The following KDM4C variants were observed in gnomAD, a reference collection of about 807,000 sequenced individuals.
The protein encoded by KDM4C is lysine demethylase 4C, also known as lysine-specific demethylase 4C.
KDM4C carries 81 observed loss-of-function variants against 129.3 expected under a neutral mutation model. That is an observed-to-expected ratio of 0.63 (90% CI 0.52 to 0.75). The LOEUF (loss-of-function observed/expected upper bound fraction) is 0.75. KDM4C is among the 30% of genes least tolerant of loss of function. The pLI, the probability that KDM4C is intolerant of heterozygous loss-of-function variation, is 0.00. For missense variants in KDM4C, 1,457 were observed against 1,304.0 expected (o/e 1.12, Z -1.81); for synonymous variants, 573 against 456.1 (o/e 1.26, Z -3.26).
At chr9:6,853,861 T>C (rs1839288721) in intron 5 of KDM4C, among the ~76,000 whole-genome samples, 1 of 152,176 alleles carries the variant, frequency 6.6e-6, no homozygotes, top group Admixed American at 6.6e-5. Context: ...ATCACTACAC[T>C]CCTTTCATCA....
At chr9:6,868,949 A>C (rs915009037) in intron 5 of KDM4C, among the ~76,000 whole-genome samples, 16 of 152,226 alleles carry the variant, frequency 1.1e-4, no homozygotes, top group African/African-American at 3.4e-4. Flanking sequence ...TAGACTAGGT[A>C]ATATAAAATA....
upstream of KDM4C, among the ~76,000 whole-genome samples, chr9:6,754,272 G>C (rs1818170389): frequency 6.6e-6 from 1 of 151,770 alleles, no homozygotes; most frequent in Admixed American, 6.6e-5. Context: ...GAGTGCAGTG[G>C]TGCTATCTTA....
At chr9:6,821,350 G>A (rs12005332) in intron 4 of KDM4C, among the ~76,000 whole-genome samples, 4,291 of 152,220 alleles carry the variant, frequency 0.028, 193 homozygotes, top group African/African-American at 0.098. Context: ...GTGTAAAAGC[G>A]TTCCTATTTT....
intron 15 of KDM4C, among the ~76,000 whole-genome samples, chr9:7,028,922 G>GGC (rs139541591): frequency 0.087 from 13,248 of 152,100 alleles, 1,010 homozygotes; most frequent in African/African-American, 0.2. Flanking sequence ...ATAAGGGAGG[G>GGC]GCGGCGTTGG....
chr9:6,754,880 TAAA>T (rs58382779), upstream of KDM4C, among the ~76,000 whole-genome samples: 4 of 83,366 alleles, frequency 4.8e-5, no homozygotes, highest in Admixed American at 1.3e-4. Context: ...TGTCTCAAAG[TAAA>T]AAAAAAAAAA....
chr9:6,988,931 A>G (rs1317703711), intron 11 of KDM4C, among the ~76,000 whole-genome samples: 3 of 152,000 alleles, frequency 2.0e-5, no homozygotes, highest in Non-Finnish European at 4.4e-5. Context: ...CCTTCGTTAC[A>G]TATTTACCGA....
intron 15 of KDM4C, among the ~76,000 whole-genome samples, chr9:7,034,480 T>C (rs1053395559): frequency 6.6e-6 from 1 of 152,248 alleles, no homozygotes; most frequent in African/African-American, 2.4e-5. Flanking sequence ...TCCTGGCTTA[T>C]TTCGCTTAAT....
At chr9:7,098,631 G>T (rs956556786) in intron 17 of KDM4C, among the ~76,000 whole-genome samples, 1 of 152,132 alleles carries the variant, frequency 6.6e-6, no homozygotes, top group African/African-American at 2.4e-5. Flanking sequence ...GTGCACTGGG[G>T]ACTTTGCTTT....
At chr9:6,728,359 C>G (rs761952689) in intron 1 of KDM4C, among the ~76,000 whole-genome samples, 4 of 151,618 alleles carry the variant, frequency 2.6e-5, no homozygotes, top group African/African-American at 4.9e-5. Flanking sequence ...CATGGTGAAA[C>G]TCTGTCTTTA....
intron 1 of KDM4C, among the ~76,000 whole-genome samples, chr9:6,722,900 G>A (rs1206009761): frequency 6.6e-6 from 1 of 152,000 alleles, no homozygotes; most frequent in Admixed American, 6.6e-5. Context: ...GGAGGATTGC[G>A]TGAGCCCAGG....
At chr9:6,730,838 A>C (rs1372232148) in intron 1 of KDM4C, among the ~76,000 whole-genome samples, 2 of 152,116 alleles carry the variant, frequency 1.3e-5, no homozygotes, top group Non-Finnish European at 2.9e-5. Flanking sequence ...AACAGTTTGA[A>C]CACTCCGCAG....
rs200895105 is a variant in KDM4C at position 6,849,717 on chromosome 9, A to G, written c.629+17A>G. ...CAAGTCTTGGCAAGTTACTTGTTTA[A>G]TATTCATTTACTTTGGAGTTTTGAA... On this transcript the variant is annotated intron_variant, in intron 5 of 21. Transcript: ENST00000381309. 29 of 1,535,976 alleles carry G rather than the reference A, an allele frequency of 1.9e-5. No homozygotes were observed. Among genetic ancestry groups the G allele is most frequent in the Middle Eastern group, 1.7e-4 (1 of 5,796 alleles).
intron 7 of KDM4C, among the ~76,000 whole-genome samples, chr9:6,892,250 A>T (rs1439960221): frequency 1.3e-5 from 2 of 152,186 alleles, no homozygotes; most frequent in African/African-American, 4.8e-5. Flanking sequence ...AATCCAAAAC[A>T]AATATATTAT....
At chr9:6,912,693 G>T (rs1819553272) in intron 8 of KDM4C, among the ~76,000 whole-genome samples, 1 of 152,184 alleles carries the variant, frequency 6.6e-6, no homozygotes, top group East Asian at 1.9e-4. Flanking sequence ...AGGCATTTCT[G>T]CTTAGAAATG....
intron 1 of KDM4C, chr9:6,734,888 A>G: frequency 1.8e-6 from 1 of 560,264 alleles, no homozygotes; most frequent in Non-Finnish European, 3.5e-6. Context: ...GAGACTTCAC[A>G]ATGGAAGGTA....
intron 18 of KDM4C, among the ~76,000 whole-genome samples, chr9:7,107,409 A>T (rs1185094183): frequency 6.6e-6 from 1 of 152,256 alleles, no homozygotes; most frequent in East Asian, 1.9e-4. Context: ...GCCATCTCAC[A>T]CTTGAGTAAA....
chr9:7,091,110 C>A (rs1405934852), intron 17 of KDM4C, among the ~76,000 whole-genome samples: 2 of 152,120 alleles, frequency 1.3e-5, no homozygotes, highest in Non-Finnish European at 1.5e-5. Flanking sequence ...ATCTGATCTT[C>A]TGTTGAGTTC....
chr9:7,040,381 G>GTGTGTGTGTC (rs1828371566), intron 15 of KDM4C, among the ~76,000 whole-genome samples: 5 of 140,684 alleles, frequency 3.6e-5, no homozygotes, highest in Admixed American at 2.1e-4. Context: ...GTGTGTGTGT[G>GTGTGTGTGTC]TGTGTGTGTG....
chr9:6,738,904 T>G (rs957260402), intron 1 of KDM4C, among the ~76,000 whole-genome samples: 11 of 151,734 alleles, frequency 7.2e-5, no homozygotes, highest in African/African-American at 2.7e-4. Context: ...ATTTCTATAT[T>G]TTTTGTAGAG....
Sources: allele counts gnomAD v4.1 joint callset (sites outside exome capture counted in the v4.1 genomes callset), GRCh38; gene constraint gnomAD v4.1.1; transcripts MANE v1.5; gene names NCBI Gene and HGNC (gene_info 2026-07-23, HGNC 2026-07-21).